ELAC2: variants seen among roughly 807,000 people sequenced by gnomAD.
ELAC2 encodes elaC ribonuclease Z 2, also known as zinc phosphodiesterase ELAC protein 2.
A neutral mutation model predicts 105.2 loss-of-function variants in ELAC2; 92 were observed. The ratio of observed to expected loss-of-function variants is 0.87; its 90% CI spans 0.74 to 1.04. ELAC2 has a LOEUF of 1.04. Ranked by LOEUF, ELAC2 falls within the 50% of genes least tolerant of loss-of-function variation. The pLI is 0.00. For synonymous variants in ELAC2, 468 were observed against 409.1 expected, an observed-to-expected ratio of 1.14 and a Z score of -1.74; for missense variants, 1,099 against 1,071.7, an observed-to-expected ratio of 1.03 and a Z score of -0.36.
chr17:13,012,200 G>A (rs965499595), intron 6 of ELAC2, among the ~76,000 whole-genome samples: 1 of 152,194 alleles, frequency 6.6e-6, no homozygotes, highest in African/African-American at 2.4e-5. Flanking sequence ...GCTGCAACGA[G>A]AATGAACGTA....
chr17:13,017,659 C>T (rs1431369004), intron 1 of ELAC2, 44 bp downstream of exon 1: 2 of 1,612,684 alleles, frequency 1.2e-6, no homozygotes, highest in Non-Finnish European at 1.7e-6. Context: ...GAGGCTGCGC[C>T]GCACTGAGGG....
In ELAC2 at chr17:13,004,973, A is replaced by G; in HGVS notation, c.983+16T>C. 1 of 1,590,444 alleles carries G rather than the reference A, an allele frequency of 6.3e-7. No individual in the cohort carries two copies. The highest frequency in any genetic ancestry group is 1.1e-5 in the South Asian group (1 of 90,572). On this transcript the variant is annotated intron_variant, in intron 11 of 23. Coordinates refer to ENST00000338034, the MANE Select transcript of ELAC2 (RefSeq NM_018127.7). ...TTTCAGCTCTCACTTCTCCCACCCT[A>G]GAGACCCCTCATTACCTCTGAAAGG...
chr17:12,996,322 T>C, intron 17 of ELAC2: 1 of 697,650 alleles, frequency 1.4e-6, no homozygotes, highest in South Asian at 1.8e-5. Flanking sequence ...CTGGGTAAAC[T>C]CAAACCTGTC....
Position 13,010,654 on chromosome 17 carries a change from C to T in ELAC2, c.697G>A (p.Gly233Arg), listed in dbSNP as rs945877116. The T allele has an allele frequency of 6.2e-7, 1 of 1,614,164 alleles. No homozygotes were observed. Among genetic ancestry groups the T allele is most frequent in the East Asian group, 2.2e-5 (1 of 44,884 alleles). The change falls in exon 8 of 24, where the codon GGG becomes AGG. Residue 233 changes from glycine to arginine, a missense_variant. Physicochemically the swap from Gly to Arg is moderately radical, Grantham distance 125. Transcript: ENST00000338034. ...HLPHGVSQRR[G>R]VRDSSLVVAF... is the part of the protein sequence containing the mutation. ...ACGACCAGGGAAGAGTCCCTGACCCCTCTTCTCTGGCTAACACCTGAGGAA... is the reference window on the plus strand; with the variant it reads ...ACGACCAGGGAAGAGTCCCTGACCCTTCTTCTCTGGCTAACACCTGAGGAA...
chr17:13,006,109 G>C, intron 8 of ELAC2, 130 bp from the exon 9 acceptor site: 1 of 945,924 alleles, frequency 1.1e-6, no homozygotes, highest in Non-Finnish European at 1.7e-6. Flanking sequence ...GGTGGCTCAC[G>C]CCTGTAATTC....
chr17:13,000,694 C>T (rs2040743694), intron 14 of ELAC2: 2 of 265,020 alleles, frequency 7.5e-6, no homozygotes. Context: ...GACTCTGAAA[C>T]TCATGTTCAC....
chr17:12,996,482 A>G (rs546538194), intron 17 of ELAC2, 65 bp downstream of exon 17: 2 of 1,610,110 alleles, frequency 1.2e-6, no homozygotes, highest in East Asian at 2.2e-5. Context: ...ACGCAGCCAA[A>G]GGGCCAACTC....
chr17:13,009,607 T>C (rs572344502), intron 8 of ELAC2, among the ~76,000 whole-genome samples: 1 of 152,292 alleles, frequency 6.6e-6, no homozygotes, highest in South Asian at 2.1e-4. Context: ...TTAAAAGACT[T>C]TGAATAAAGG....
At chr17:13,015,717 A>G (rs775728807) in intron 4 of ELAC2, 51 bp downstream of exon 4, 45 of 1,499,454 alleles carry the variant, frequency 3.0e-5, no homozygotes, top group Non-Finnish European at 4.1e-5. Context: ...CTTGTTACTG[A>G]TATTACAAAA....
intron 3 of ELAC2, among the ~76,000 whole-genome samples, 197 bp from the exon 4 acceptor site, chr17:13,016,029 T>C (rs1400819395): frequency 6.6e-6 from 1 of 152,226 alleles, no homozygotes; most frequent in Non-Finnish European, 1.5e-5. Flanking sequence ...TAAATGCCTC[T>C]AGAATGGGCT....
At position 13,017,831 on chromosome 17, in the gene ELAC2, G is replaced by A. The variant is rs748570371; in HGVS notation, c.117C>T (p.His39=). 1.6e-5 allele frequency: 25 copies of A among 1,588,052 alleles called. No individual in the cohort carries two copies. The highest frequency in any genetic ancestry group is 2.3e-5 in the South Asian group (2 of 88,464). Residue 39 remains histidine (H), a synonymous_variant, in exon 1 of 24, where the codon CAC becomes CAT. Transcript: ENST00000338034. ...RERPRKDPLR[H]LRTREKRGPS... ...GTCCGCGCTTCTCTCGCGTGCGCAG[G>A]TGCCGCAGCGGGTCCTTGCGCGGCC...
chr17:13,000,516 T>C, intron 14 of ELAC2: 1 of 538,052 alleles, frequency 1.9e-6, no homozygotes, highest in Non-Finnish European at 3.4e-6. Flanking sequence ...AGACAGTTTT[T>C]TTCTGTGGCC....
intron 8 of ELAC2, among the ~76,000 whole-genome samples, chr17:13,007,952 G>A (rs1403623258): frequency 6.6e-6 from 1 of 152,144 alleles, no homozygotes; most frequent in African/African-American, 2.4e-5. Flanking sequence ...TGTAACCCCA[G>A]CACTTTAGGA....
intron 21 of ELAC2, 56 bp downstream of exon 21, chr17:12,994,708 C>G (rs2040378060): frequency 6.2e-7 from 1 of 1,612,798 alleles, no homozygotes; most frequent in Admixed American, 1.7e-5. Flanking sequence ...GCATTCACCT[C>G]CAGCTACACA....
chr17:13,006,381 TA>T (rs1346835429), intron 8 of ELAC2: 2 of 225,576 alleles, frequency 8.9e-6, no homozygotes, highest in African/African-American at 4.9e-5. Flanking sequence ...AAAAAAAAAA[TA>T]AAAAATAAAA....
At chr17:12,993,638 T>C (rs756501073) in intron 23 of ELAC2, 49 bp downstream of exon 23, 2 of 1,613,222 alleles carry the variant, frequency 1.2e-6, no homozygotes, top group Non-Finnish European at 1.7e-6. Context: ...TGTAGAGTCC[T>C]GTCTCCCTGC....
In ELAC2 at chr17:12,995,023, G is replaced by A. The variant is rs767805042; in HGVS notation, c.1848C>T (p.Ile616=). The change falls in exon 20 of 24, where the codon ATC becomes ATT. Residue 616 remains isoleucine, a synonymous_variant. Coordinates refer to ENST00000338034, the MANE Select transcript of ELAC2 (RefSeq NM_018127.7). ...TCAATCTTTCCACTGCAGGACTGGA[G>A]ATCTCAGCCCCTTCCTGAAGGCATT... The part of the protein sequence containing the change: ...PAKCLQEGAE[I]SSPAVERLIS... 6.2e-7 allele frequency: 1 copy of A among 1,614,184 alleles called. No individual in the cohort carries two copies. Among genetic ancestry groups the A allele is most frequent in the Admixed American group, 1.7e-5 (1 of 60,032 alleles).
At chr17:13,016,774 G>A (rs1218653564) in intron 3 of ELAC2, 88 bp downstream of exon 3, 2 of 1,135,760 alleles carry the variant, frequency 1.8e-6, no homozygotes, top group Non-Finnish European at 2.6e-6. Context: ...AAAAGTAGCT[G>A]CCCACCCCAG....
intron 8 of ELAC2, 109 bp from the exon 9 acceptor site, chr17:13,006,088 T>G: frequency 1.7e-6 from 2 of 1,206,454 alleles, no homozygotes; most frequent in Admixed American, 3.5e-5. Flanking sequence ...ATAATAATGT[T>G]GGCCAGGCAC....
Sources: allele counts gnomAD v4.1 joint callset (sites outside exome capture counted in the v4.1 genomes callset), GRCh38; gene constraint gnomAD v4.1.1; transcripts MANE v1.5; gene names NCBI Gene and HGNC (gene_info 2026-07-23, HGNC 2026-07-21).